The following SH3RF1 variants were observed in gnomAD, a reference collection of about 807,000 sequenced individuals.
SH3RF1 encodes SH3 domain containing ring finger 1.
In SH3RF1, 32 loss-of-function variants were observed where a neutral mutation model predicts 74.0. The ratio of observed to expected loss-of-function variants is 0.43; its 90% CI spans 0.33 to 0.58. The LOEUF (loss-of-function observed/expected upper bound fraction) is 0.58. Ranked by LOEUF, SH3RF1 falls within the 20% of genes least tolerant of loss-of-function variation. The probability of loss-of-function intolerance (pLI) is 0.05; values close to 1 mark genes in which losing one functional copy is unlikely to be tolerated. For missense variants in SH3RF1, 954 were observed against 1,130.9 expected (o/e 0.84, Z 2.24); for synonymous variants, 396 against 439.6 (o/e 0.90, Z 1.24).
At chr4:169,223,224 G>A (rs2660411) in intron 2 of SH3RF1, among the ~76,000 whole-genome samples, 72,932 of 152,038 alleles carry the variant, frequency 0.48, 18,469 homozygotes, top group East Asian at 0.78. Flanking sequence ...TGTAGGGATA[G>A]TAACATGCAA....
chr4:169,155,386 G>A (rs911793915), intron 4 of SH3RF1, 94 bp downstream of exon 4: 6 of 898,494 alleles, frequency 6.7e-6, no homozygotes, highest in Non-Finnish European at 8.8e-6. Flanking sequence ...GGTGCTTTTT[G>A]TTGTGAGGAC....
chr4:169,253,644 T>A (rs993118796), intron 2 of SH3RF1, among the ~76,000 whole-genome samples: 2 of 152,208 alleles, frequency 1.3e-5, no homozygotes, highest in African/African-American at 4.8e-5. Context: ...TACCTGTGCT[T>A]CCTACCATCC....
intron 2 of SH3RF1, among the ~76,000 whole-genome samples, chr4:169,242,126 T>C (rs1876397): frequency 6.6e-6 from 1 of 151,082 alleles, no homozygotes; most frequent in African/African-American, 2.4e-5. Context: ...TCAATTTAAA[T>C]TTTTTTTTTT....
chr4:169,175,063 C>T (rs1353695119), intron 2 of SH3RF1, among the ~76,000 whole-genome samples: 5 of 152,196 alleles, frequency 3.3e-5, no homozygotes, highest in Admixed American at 3.3e-4. Context: ...CACTGTTCAC[C>T]TCGTTGCTTG....
At chr4:169,250,745 A>C (rs1042709662) in intron 2 of SH3RF1, among the ~76,000 whole-genome samples, 1 of 152,168 alleles carries the variant, frequency 6.6e-6, no homozygotes, top group Non-Finnish European at 1.5e-5. Flanking sequence ...TTAGACAGAC[A>C]TAAGTGCCAT....
intron 2 of SH3RF1, among the ~76,000 whole-genome samples, chr4:169,172,164 T>C (rs548018110): frequency 2.0e-5 from 3 of 152,332 alleles, no homozygotes; most frequent in Admixed American, 2.0e-4. Flanking sequence ...TGAAAACATA[T>C]TATTGAAGGC....
rs768743578 is a variant in SH3RF1 at position 169,116,448 on chromosome 4, C to T, written c.1960G>A (p.Ala654Thr). The change falls in exon 10 of 12, where the codon GCC becomes ACC. Residue 654 changes from alanine to threonine, a missense_variant. Ala to Thr is a moderately conservative substitution (Grantham distance 58). Coordinates refer to ENST00000284637, the MANE Select transcript of SH3RF1 (RefSeq NM_020870.4). ...TAAISISRAS[A>T]PLACAAAAPL... ...GCAGCTGCTGCACAGGCCAGAGGGG[C>T]ACTGGCTCGACTGATACTGATGGCA... 1.2e-6 allele frequency: 2 copies of T among 1,614,032 alleles called. No individual in the cohort carries two copies. The highest frequency in any genetic ancestry group is 1.1e-5 in the South Asian group (1 of 91,038).
intron 2 of SH3RF1, among the ~76,000 whole-genome samples, chr4:169,263,764 A>G (rs978442254): frequency 6.6e-6 from 1 of 152,232 alleles, no homozygotes; most frequent in Non-Finnish European, 1.5e-5. Flanking sequence ...CTCCAGCTAC[A>G]GATCAATCCA....
intron 2 of SH3RF1, among the ~76,000 whole-genome samples, chr4:169,168,022 C>T (rs931567998): frequency 3.3e-5 from 5 of 152,032 alleles, no homozygotes; most frequent in African/African-American, 9.7e-5. Context: ...GGCCTATAGT[C>T]CCAGCTACTC....
chr4:169,119,192 C>T (rs893588594), intron 8 of SH3RF1, among the ~76,000 whole-genome samples: 4 of 151,812 alleles, frequency 2.6e-5, no homozygotes. Context: ...CAGCCTCCGC[C>T]TCCCAGGTTC....
chr4:169,207,801 C>T (rs1423144164), intron 2 of SH3RF1, among the ~76,000 whole-genome samples: 2 of 152,142 alleles, frequency 1.3e-5, no homozygotes, highest in Non-Finnish European at 2.9e-5. Context: ...TGTCAAAAGC[C>T]AAGACTCAGC....
intron 2 of SH3RF1, among the ~76,000 whole-genome samples, chr4:169,222,677 A>G (rs1730587296): frequency 6.6e-6 from 1 of 152,112 alleles, no homozygotes. Flanking sequence ...TAATCTGAGG[A>G]CAAATTTCAG....
rs558139357 is a variant in SH3RF1 at position 169,141,468 on chromosome 4, T to C, written c.766-4848A>G. Among the ~76,000 whole-genome samples the C allele has an allele frequency of 2.0e-5, 3 of 152,334 alleles. No individual in the cohort carries two copies. The South Asian group carries it at 6.2e-4, about 32-fold the overall frequency. On this transcript the variant is annotated intron_variant, in intron 4 of 11. Coordinates refer to ENST00000284637, the MANE Select transcript of SH3RF1 (RefSeq NM_020870.4). The stretch of plus-strand genomic sequence containing the variant: ...AGAATTTGCTAGATCAAAGTGTAAG[T>C]TTAAAAATCGTTTTTTGAAGTAACA...
chr4:169,229,957 A>G (rs963660704), intron 2 of SH3RF1, among the ~76,000 whole-genome samples: 5 of 140,288 alleles, frequency 3.6e-5, no homozygotes, highest in South Asian at 2.2e-4. Context: ...TGTAATCCCA[A>G]CACTTTAGGA....
Position 169,122,926 on chromosome 4 carries a change from G to C in SH3RF1, c.1180-660C>G, listed in dbSNP as rs79342641. On this transcript the variant is annotated intron_variant, in intron 6 of 11. Coordinates refer to ENST00000284637, the MANE Select transcript of SH3RF1 (RefSeq NM_020870.4). ...GTTCCTTTATGGGCACAGCCTAATGGGGTTCTGCCTACAGGATTCCATGCC... is the reference window on the plus strand; with the variant it reads ...GTTCCTTTATGGGCACAGCCTAATGCGGTTCTGCCTACAGGATTCCATGCC... 9.8e-4 allele frequency among the ~76,000 whole-genome samples: 149 copies of C among 152,190 alleles called. No homozygotes were observed. The East Asian group carries it at 0.015, about 15-fold the overall frequency.
chr4:169,180,066 A>G (rs1269409044), intron 2 of SH3RF1, among the ~76,000 whole-genome samples: 1 of 152,232 alleles, frequency 6.6e-6, no homozygotes, highest in East Asian at 1.9e-4. Flanking sequence ...CGTAAGCAGA[A>G]ACAAAAGAAA....
intron 2 of SH3RF1, among the ~76,000 whole-genome samples, chr4:169,189,142 G>A (rs1321977536): frequency 6.6e-6 from 1 of 152,178 alleles, no homozygotes; most frequent in Non-Finnish European, 1.5e-5. Flanking sequence ...CTAAAATGAA[G>A]CACATTGTGG....
chr4:169,099,829 G>A (rs1211106979), intron 11 of SH3RF1, among the ~76,000 whole-genome samples: 1 of 152,112 alleles, frequency 6.6e-6, no homozygotes, highest in Non-Finnish European at 1.5e-5. Context: ...TCATTGCTAA[G>A]TTTTATAAAC....
intron 2 of SH3RF1, among the ~76,000 whole-genome samples, chr4:169,266,052 C>T (rs1305762622): frequency 6.6e-6 from 1 of 152,182 alleles, no homozygotes; most frequent in Non-Finnish European, 1.5e-5. Flanking sequence ...CTAAAACCAA[C>T]AGGAATTCTT....
Sources: gnomAD v4.1 joint callset for allele counts (sites outside exome capture counted in the v4.1 genomes callset) on GRCh38, gnomAD v4.1.1 for gene constraint, MANE v1.5 for transcripts, NCBI Gene and HGNC (gene_info 2026-07-23, HGNC 2026-07-21) for gene names.